Variants in CAPG observed in about 807,000 individuals in gnomAD.
CAPG encodes the protein capping actin protein, gelsolin like.
In CAPG, 32 loss-of-function variants were observed where a neutral mutation model predicts 44.6. The ratio of observed to expected loss-of-function variants is 0.72; its 90% CI spans 0.54 to 0.96. The LOEUF (loss-of-function observed/expected upper bound fraction) is 0.96. CAPG is among the 50% of genes least tolerant of loss of function. The probability of loss-of-function intolerance (pLI) is 0.00; values close to 1 mark genes in which losing one functional copy is unlikely to be tolerated. For missense variants in CAPG, 412 were observed against 438.3 expected (o/e 0.94, Z 0.54); for synonymous variants, 175 against 179.6 (o/e 0.97, Z 0.20).
At chr2:85,396,549 C>T (rs1291678038) in intron 8 of CAPG, among the ~76,000 whole-genome samples, 2 of 152,106 alleles carry the variant, frequency 1.3e-5, no homozygotes, top group Non-Finnish European at 2.9e-5. Context: ...GACCAGCTGC[C>T]CCCCTACCCA....
At chr2:85,411,598 C>T (rs1369999977), upstream of CAPG, among the ~76,000 whole-genome samples, 1 of 152,190 alleles carries the variant, frequency 6.6e-6, no homozygotes, top group Non-Finnish European at 1.5e-5. Context: ...AGAACCTAGC[C>T]GGCCTGTCCT....
intron 8 of CAPG, among the ~76,000 whole-genome samples, chr2:85,397,728 G>GAAAGAAAGAAAGAAAGAA (rs1686672013): frequency 7.3e-6 from 1 of 137,386 alleles, no homozygotes; most frequent in African/African-American, 2.7e-5. Flanking sequence ...AAGAAAGAAA[G>GAAAGAAAGAAAGAAAGAA]AAAATAGCAA....
At chr2:85,417,837 C>A (rs1411674559) in intron 1 of CAPG, among the ~76,000 whole-genome samples, 1 of 152,094 alleles carries the variant, frequency 6.6e-6, no homozygotes. Flanking sequence ...TCCTCCAGTG[C>A]TTTGAGGTCT....
At chr2:85,404,332 C>T (rs923091911) in intron 1 of CAPG, among the ~76,000 whole-genome samples, 2 of 148,982 alleles carry the variant, frequency 1.3e-5, no homozygotes, top group African/African-American at 2.5e-5. Flanking sequence ...TATTAACAAA[C>T]ATGTATGTGT....
At chr2:85,413,952 C>T (rs1000724498), upstream of CAPG, 2 of 152,284 alleles carry the variant, frequency 1.3e-5, no homozygotes, top group Admixed American at 6.5e-5. Flanking sequence ...GCCCAGGTCC[C>T]CGGCGACCGG....
upstream of CAPG, among the ~76,000 whole-genome samples, chr2:85,414,470 C>T (rs1307373271): frequency 3.3e-5 from 5 of 150,202 alleles, no homozygotes; most frequent in East Asian, 9.8e-4. Context: ...CACTCTGTCG[C>T]GGCACCTGGA....
downstream of CAPG, among the ~76,000 whole-genome samples, chr2:85,393,105 G>A (rs1055314282): frequency 1.3e-5 from 2 of 151,194 alleles, no homozygotes; most frequent in East Asian, 1.9e-4. Flanking sequence ...GCGCGATCTC[G>A]GCTCACTGCA....
intron 1 of CAPG, among the ~76,000 whole-genome samples, chr2:85,415,704 T>A (rs940444582): frequency 6.6e-6 from 1 of 152,192 alleles, no homozygotes; most frequent in Non-Finnish European, 1.5e-5. Context: ...AACCCCCACA[T>A]TCTAATACTG....
chr2:85,401,020 G>A (rs1686856539), intron 5 of CAPG, 145 bp downstream of exon 5: 1 of 725,342 alleles, frequency 1.4e-6, no homozygotes, highest in East Asian at 2.7e-5. Flanking sequence ...ACAAATATAG[G>A]GACATTCTCC....
rs1687150377 is a variant in CAPG, at chr2:85,406,276, AGTTTGGCTG to A, written c.-14+4032_-14+4040del. The stretch of plus-strand genomic sequence containing the variant: ...CAAAAAAAAAAAAAGAAAAGAAAGG[AGTTTGGCTG>A]CTCATTAGAATGACCTTGGGACCTT... On this transcript the variant is annotated intron_variant, in intron 1 of 9. Transcript: ENST00000263867. Among the ~76,000 whole-genome samples, 2 of 135,812 alleles carry A rather than the reference AGTTTGGCTG, an allele frequency of 1.5e-5. 1 individual carries two copies. Among genetic ancestry groups the A allele is most frequent in the Admixed American group, 1.4e-4 (2 of 14,442 alleles). The allele number at this position is 135,812 out of a possible 152,430, so 89.1% of individuals were successfully genotyped here.
At chr2:85,417,952 G>A (rs1349617590) in intron 1 of CAPG, among the ~76,000 whole-genome samples, 1 of 152,160 alleles carries the variant, frequency 6.6e-6, no homozygotes, top group African/African-American at 2.4e-5. Context: ...TGTCGTTAAA[G>A]CAGAGTTGTA....
At chr2:85,414,943 G>C (rs1323101575), upstream of CAPG, among the ~76,000 whole-genome samples, 1 of 152,200 alleles carries the variant, frequency 6.6e-6, no homozygotes, top group African/African-American at 2.4e-5. Flanking sequence ...AGAGCATGAG[G>C]ATCAGGCCAT....
chr2:85,408,229 C>T (rs1410372537), intron 1 of CAPG, among the ~76,000 whole-genome samples: 1 of 151,990 alleles, frequency 6.6e-6, no homozygotes, highest in African/African-American at 2.4e-5. Context: ...GTAGTCCCAG[C>T]TACTTAGGAG....
At chr2:85,411,716 C>T (rs74900207), upstream of CAPG, among the ~76,000 whole-genome samples, 241 of 152,296 alleles carry the variant, frequency 1.6e-3, 2 homozygotes, top group East Asian at 0.044. Context: ...ATTAGCAGAC[C>T]TTCAAACAAA....
At chr2:85,404,326 AACAAACATG>A (rs977378244) in intron 1 of CAPG, among the ~76,000 whole-genome samples, 6 of 152,070 alleles carry the variant, frequency 3.9e-5, no homozygotes, top group African/African-American at 1.4e-4. Context: ...ACACCCTATT[AACAAACATG>A]TATGTGTAAT....
chr2:85,391,665 G>C (rs1440228408), downstream of CAPG: 1 of 152,744 alleles, frequency 6.5e-6, no homozygotes, highest in African/African-American at 2.4e-5. Context: ...TAGATGCTGT[G>C]CATGCCCCAT....
intron 1 of CAPG, among the ~76,000 whole-genome samples, chr2:85,409,278 A>C (rs1469044195): frequency 1.8e-4 from 27 of 152,142 alleles, no homozygotes; most frequent in Non-Finnish European, 8.8e-5. Context: ...GGAGGCAGAG[A>C]GCAGGGGCTA....
upstream of CAPG, among the ~76,000 whole-genome samples, chr2:85,412,381 C>T (rs1474942943): frequency 6.6e-6 from 1 of 151,828 alleles, no homozygotes; most frequent in Non-Finnish European, 1.5e-5. Flanking sequence ...GGGGTGGTGG[C>T]GCATGCCTGT....
intron 5 of CAPG, among the ~76,000 whole-genome samples, chr2:85,399,998 C>G (rs577489030): frequency 6.6e-6 from 1 of 152,298 alleles, no homozygotes; most frequent in South Asian, 2.1e-4. Context: ...ACCTCGGCCT[C>G]CCAAAGTGCT....
Sources: gnomAD v4.1 joint callset for allele counts (sites outside exome capture counted in the v4.1 genomes callset) on GRCh38, gnomAD v4.1.1 for gene constraint, MANE v1.5 for transcripts, NCBI Gene and HGNC (gene_info 2026-07-23, HGNC 2026-07-21) for gene names.